PARD3: variants seen among roughly 807,000 people sequenced by gnomAD.
PARD3 encodes the protein partitioning defective 3 homolog.
PARD3 carries 75 observed loss-of-function variants against 155.4 expected under a neutral mutation model. That is an observed-to-expected ratio of 0.48 (90% CI 0.40 to 0.58). PARD3 has a LOEUF of 0.58. Among genes scored for constraint, PARD3 ranks in the 20% least tolerant of loss-of-function variants. The pLI is 0.00. For synonymous variants in PARD3, 576 were observed against 610.5 expected, an observed-to-expected ratio of 0.94 and a Z score of 0.83; for missense variants, 1,642 against 1,721.7, an observed-to-expected ratio of 0.95 and a Z score of 0.82.
At chr10:34,146,174 T>C (rs964806030) in intron 22 of PARD3, among the ~76,000 whole-genome samples, 2 of 152,198 alleles carry the variant, frequency 1.3e-5, no homozygotes, top group African/African-American at 4.8e-5. Flanking sequence ...GAGGAAGAAA[T>C]AGCTTTACTC....
intron 2 of PARD3, among the ~76,000 whole-genome samples, chr10:34,537,287 G>A (rs1369375471): frequency 3.3e-5 from 5 of 152,182 alleles, no homozygotes; most frequent in Non-Finnish European, 7.4e-5. Context: ...GAGCCACCAC[G>A]TCTGGCCCGT....
chr10:34,218,063 G>A (rs372137239), intron 22 of PARD3, among the ~76,000 whole-genome samples: 4 of 151,996 alleles, frequency 2.6e-5, no homozygotes, highest in East Asian at 3.9e-4. Flanking sequence ...ACGCCCCTAC[G>A]TCCCTGAAAC....
At chr10:34,359,764 G>A (rs972352835) in intron 13 of PARD3, among the ~76,000 whole-genome samples, 1 of 152,126 alleles carries the variant, frequency 6.6e-6, no homozygotes, top group Non-Finnish European at 1.5e-5. Context: ...GAGGGGAGGG[G>A]AAAGATTAAC....
At chr10:34,480,819 T>C (rs2079035794) in intron 3 of PARD3, among the ~76,000 whole-genome samples, 1 of 150,476 alleles carries the variant, frequency 6.6e-6, no homozygotes, top group Non-Finnish European at 1.5e-5. Context: ...TTTTTCTTTT[T>C]TGAGACGGAG....
chr10:34,740,615 G>A (rs1468088768), intron 1 of PARD3, among the ~76,000 whole-genome samples: 1 of 151,854 alleles, frequency 6.6e-6, no homozygotes, highest in Non-Finnish European at 1.5e-5. Context: ...AGCTCCCAGG[G>A]CACCCTAACT....
At chr10:34,411,903 ATCTT>A (rs1845110001) in intron 5 of PARD3, among the ~76,000 whole-genome samples, 1 of 148,632 alleles carries the variant, frequency 6.7e-6, no homozygotes, top group Admixed American at 6.8e-5. Context: ...TTTTAACAAA[ATCTT>A]TATAAGCTAG....
Position 34,330,038 on chromosome 10 carries a change from G to A in PARD3, c.2833+1079C>T, listed in dbSNP as rs73256763. Among the ~76,000 whole-genome samples the A allele has an allele frequency of 3.5e-3, 530 of 151,836 alleles. 1 individual carries two copies. Among genetic ancestry groups the A allele is most frequent in the African/African-American group, 0.012 (494 of 41,392 alleles). ...AAGTGGTCCACTCAAATGTTGAATTGCAAGTAATTTACAATCTACACAAAT... is the reference window on the plus strand; with the variant it reads ...AAGTGGTCCACTCAAATGTTGAATTACAAGTAATTTACAATCTACACAAAT... On this transcript the variant is annotated intron_variant, in intron 19 of 24. Transcript: ENST00000374788.
intron 2 of PARD3, among the ~76,000 whole-genome samples, chr10:34,593,985 T>G (rs1013542537): frequency 1.3e-5 from 2 of 152,192 alleles, no homozygotes; most frequent in African/African-American, 4.8e-5. Context: ...TAATGGGGCA[T>G]GGTTTTGCAA....
At chr10:34,520,723 T>A (rs944790010) in intron 2 of PARD3, among the ~76,000 whole-genome samples, 6 of 152,210 alleles carry the variant, frequency 3.9e-5, no homozygotes, top group African/African-American at 7.2e-5. Flanking sequence ...TGAATAAAAC[T>A]TTATTTATAA....
intron 22 of PARD3, among the ~76,000 whole-genome samples, chr10:34,166,523 C>T (rs1032323268): frequency 2.0e-5 from 3 of 151,682 alleles, no homozygotes; most frequent in African/African-American, 4.8e-5. Flanking sequence ...GAGGCTAAGG[C>T]GGGGGCAGGC....
chr10:34,486,831 A>G (rs902855102), intron 3 of PARD3, among the ~76,000 whole-genome samples: 5 of 151,980 alleles, frequency 3.3e-5, no homozygotes, highest in East Asian at 1.9e-4. Flanking sequence ...ATATACATAT[A>G]ATTGCTATAT....
At chr10:34,201,041 T>A (rs1369033792) in intron 22 of PARD3, among the ~76,000 whole-genome samples, 1 of 152,196 alleles carries the variant, frequency 6.6e-6, no homozygotes, top group African/African-American at 2.4e-5. Flanking sequence ...ATTATCTTTA[T>A]AAACTGTATC....
At position 34,131,547 on chromosome 10, in the gene PARD3, C is replaced by G. The variant is rs1334487680; in HGVS notation, c.3456G>C (p.Gln1152His). The change falls in exon 23 of 25, where the codon CAG becomes CAC. Residue 1152 changes from glutamine to histidine, a missense_variant. By Grantham distance (24) the Gln-to-His change is conservative. Coordinates refer to ENST00000374788, the MANE Select transcript of PARD3 (RefSeq NM_001184785.2). ...CTTGCTGAAATTCTTGCCTCAGACGCTGTATCCGATCATGATTGCTAGGAG... is the reference window on the plus strand; with the variant it reads ...CTTGCTGAAATTCTTGCCTCAGACGGTGTATCCGATCATGATTGCTAGGAG... Reference protein sequence around the residue: ...RSTPSNHDRIQRLRQEFQQAK... With the variant: ...RSTPSNHDRIHRLRQEFQQAK... 6.2e-7 allele frequency: 1 copy of G among 1,613,916 alleles called. No individual in the cohort carries two copies. Among genetic ancestry groups the G allele is most frequent in the Admixed American group, 1.7e-5 (1 of 60,024 alleles).
chr10:34,440,280 T>C (rs1429614621), intron 5 of PARD3, among the ~76,000 whole-genome samples: 1 of 152,204 alleles, frequency 6.6e-6, no homozygotes. Context: ...TTTTAAAGAA[T>C]AGCAGTTGCA....
intron 2 of PARD3, among the ~76,000 whole-genome samples, chr10:34,528,165 C>T (rs551208646): frequency 1.3e-5 from 2 of 152,304 alleles, no homozygotes; most frequent in African/African-American, 4.8e-5. Flanking sequence ...TTCCCCCAAT[C>T]CACAAATTGC....
chr10:34,784,951 G>T (rs376680321), intron 1 of PARD3, among the ~76,000 whole-genome samples: 22 of 152,160 alleles, frequency 1.4e-4, no homozygotes, highest in Non-Finnish European at 1.9e-4. Flanking sequence ...TGAAAAGTTA[G>T]TGCCAGAAAT....
chr10:34,745,635 C>G (rs973202289), intron 1 of PARD3, among the ~76,000 whole-genome samples: 1 of 152,076 alleles, frequency 6.6e-6, no homozygotes, highest in African/African-American at 2.4e-5. Flanking sequence ...TGTGGACAGG[C>G]CTTCTATTGC....
chr10:34,248,471 C>T (rs1954099501), intron 22 of PARD3, among the ~76,000 whole-genome samples: 1 of 152,176 alleles, frequency 6.6e-6, no homozygotes. Flanking sequence ...AGAACATATT[C>T]TCTAAATATA....
At chr10:34,441,008 T>C (rs1182289213) in intron 5 of PARD3, among the ~76,000 whole-genome samples, 1 of 152,198 alleles carries the variant, frequency 6.6e-6, no homozygotes, top group Non-Finnish European at 1.5e-5. Flanking sequence ...CAGATTATGT[T>C]CTTCAGAAAA....
Sources: gnomAD v4.1 joint callset for allele counts (sites outside exome capture counted in the v4.1 genomes callset) on GRCh38, gnomAD v4.1.1 for gene constraint, MANE v1.5 for transcripts, NCBI Gene and HGNC (gene_info 2026-07-23, HGNC 2026-07-21) for gene names.